RBFOX2: variants seen among roughly 807,000 people sequenced by gnomAD.
RBFOX2 encodes RNA binding fox-1 homolog 2, also known as RNA binding protein fox-1 homolog 2.
RBFOX2 carries 10 observed loss-of-function variants against 49.1 expected under a neutral mutation model. The observed-to-expected ratio is 0.20, with a 90% CI of 0.13 to 0.35. The LOEUF (loss-of-function observed/expected upper bound fraction) is 0.35. Ranked by LOEUF, RBFOX2 falls within the 10% of genes least tolerant of loss-of-function variation. The pLI, the probability that RBFOX2 is intolerant of heterozygous loss-of-function variation, is 1.00. For missense variants in RBFOX2, 323 were observed against 486.9 expected (o/e 0.66, Z 3.17); for synonymous variants, 183 against 187.4 (o/e 0.98, Z 0.19).
chr22:35,800,251 A>G (rs1311039491), intron 2 of RBFOX2, among the ~76,000 whole-genome samples: 1 of 152,082 alleles, frequency 6.6e-6, no homozygotes, highest in Non-Finnish European at 1.5e-5. Flanking sequence ...CCTCTACATA[A>G]CCACTTAAGA....
intron 1 of RBFOX2, among the ~76,000 whole-genome samples, chr22:36,005,512 G>C (rs2058586918): frequency 6.6e-6 from 1 of 152,136 alleles, no homozygotes; most frequent in African/African-American, 2.4e-5. Flanking sequence ...CAAATATTCT[G>C]AGGGCAAAAA....
intron 1 of RBFOX2, among the ~76,000 whole-genome samples, chr22:35,922,585 A>C (rs1297960170): frequency 2.6e-5 from 4 of 151,914 alleles, no homozygotes; most frequent in South Asian, 2.1e-4. Flanking sequence ...AAAAAAAAAA[A>C]CTAGACATGT....
intron 1 of RBFOX2, among the ~76,000 whole-genome samples, chr22:35,885,926 G>A (rs2046515649): frequency 7.0e-6 from 1 of 143,214 alleles, no homozygotes; most frequent in Admixed American, 7.1e-5. Flanking sequence ...GCACGATCTG[G>A]GCTCACTGCA....
upstream of RBFOX2, among the ~76,000 whole-genome samples, chr22:35,963,326 T>C (rs2056364510): frequency 6.6e-6 from 1 of 152,160 alleles, no homozygotes; most frequent in Middle Eastern, 3.2e-3. Context: ...CTCTGAGATA[T>C]TTGTTTTCTT....
chr22:35,838,320 G>T (rs1958064421), intron 1 of RBFOX2, among the ~76,000 whole-genome samples: 1 of 149,624 alleles, frequency 6.7e-6, no homozygotes, highest in African/African-American at 2.5e-5. Context: ...TTATTATATG[G>T]TTGTTACACT....
At chr22:35,938,246 T>C (rs897477600) in intron 1 of RBFOX2, among the ~76,000 whole-genome samples, 1 of 152,146 alleles carries the variant, frequency 6.6e-6, no homozygotes, top group Non-Finnish European at 1.5e-5. Context: ...AACAAAAAGA[T>C]AGGGAAGGCA....
At chr22:35,776,834 T>C (rs1041060507) in intron 4 of RBFOX2, among the ~76,000 whole-genome samples, 2 of 151,836 alleles carry the variant, frequency 1.3e-5, no homozygotes, top group Admixed American at 1.3e-4. Flanking sequence ...TAATAAGCAG[T>C]GAGAAAACTC....
intron 1 of RBFOX2, among the ~76,000 whole-genome samples, chr22:35,935,453 A>T (rs1435255560): frequency 6.6e-6 from 1 of 152,218 alleles, no homozygotes; most frequent in Non-Finnish European, 1.5e-5. Context: ...AACATGCAAG[A>T]GGTGGCGGGT....
chr22:36,009,545 C>T lies in RBFOX2; in HGVS notation c.186+18695G>A, dbSNP rs531328120. Among the ~76,000 whole-genome samples the T allele has an allele frequency of 4.8e-4, 73 of 152,070 alleles. 1 individual carries two copies. Among genetic ancestry groups the T allele is most frequent in the South Asian group, 3.7e-3 (18 of 4,806 alleles). ...CACACCACCATGCCCATCTAAGTTTCGTTTTTTTTGTTTTTTGTTTTTTTG... is the reference window on the plus strand; with the variant it reads ...CACACCACCATGCCCATCTAAGTTTTGTTTTTTTTGTTTTTTGTTTTTTTG... On this transcript the variant is annotated intron_variant, in intron 1 of 13. Coordinates refer to the RBFOX2 transcript ENST00000438146.
At chr22:35,877,368 G>A (rs1432617504) in intron 1 of RBFOX2, among the ~76,000 whole-genome samples, 4 of 152,140 alleles carry the variant, frequency 2.6e-5, no homozygotes, top group Non-Finnish European at 5.9e-5. Context: ...CAGTAGAAGA[G>A]AGAACTGGAG....
chr22:35,856,075 A>G (rs892598733), intron 1 of RBFOX2, among the ~76,000 whole-genome samples: 6 of 152,144 alleles, frequency 3.9e-5, no homozygotes, highest in Non-Finnish European at 5.9e-5. Context: ...AAATTTAATG[A>G]TATCAGGGAG....
chr22:35,831,947 C>A (rs1264569010), intron 1 of RBFOX2, among the ~76,000 whole-genome samples: 4 of 152,144 alleles, frequency 2.6e-5, no homozygotes, highest in Admixed American at 2.0e-4. Flanking sequence ...TGCCAATCAG[C>A]TGAGGGCATG....
chr22:35,756,095 G>A lies in RBFOX2; in HGVS notation c.887+3793C>T, dbSNP rs1166376335. 10 of 1,441,030 alleles carry A rather than the reference G, an allele frequency of 6.9e-6. No individual in the cohort carries two copies. Among genetic ancestry groups the A allele is most frequent in the South Asian group, 1.6e-5 (1 of 64,338 alleles). 89.3% of individuals were successfully genotyped at this position (1,441,030 alleles called of 1,614,324 possible). On this transcript the variant is annotated intron_variant, in intron 9 of 11. Transcript: ENST00000405409. ...GATGGGGTCGAGAAGGCCCCAGTGT[G>A]TGTACTTACATAGAGGTCAGCACCG... is the stretch of plus-strand genomic sequence containing the variant.
At chr22:35,800,057 G>A (rs1161046603) in intron 2 of RBFOX2, among the ~76,000 whole-genome samples, 4 of 151,752 alleles carry the variant, frequency 2.6e-5, no homozygotes, top group African/African-American at 9.7e-5. Flanking sequence ...ACCCTGTACA[G>A]TCAGGTCAAG....
upstream of RBFOX2, among the ~76,000 whole-genome samples, chr22:35,939,614 C>A (rs1374887194): frequency 6.6e-6 from 1 of 151,854 alleles, no homozygotes; most frequent in African/African-American, 2.4e-5. Flanking sequence ...TCTAATTAAC[C>A]TTATTTTTTA....
chr22:35,928,226 A>G (rs916225965), intron 1 of RBFOX2, among the ~76,000 whole-genome samples: 3 of 152,074 alleles, frequency 2.0e-5, no homozygotes, highest in African/African-American at 7.2e-5. Context: ...GGGTGTGTGC[A>G]TATGTGTGTG....
chr22:35,836,628 G>A (rs940588503), intron 1 of RBFOX2, among the ~76,000 whole-genome samples: 1 of 152,172 alleles, frequency 6.6e-6, no homozygotes, highest in African/African-American at 2.4e-5. Flanking sequence ...TGAAGAAAAT[G>A]CCAGCAAAGC....
chr22:35,978,626 G>A (rs1205124010), intron 1 of RBFOX2, among the ~76,000 whole-genome samples: 1 of 152,172 alleles, frequency 6.6e-6, no homozygotes. Context: ...ATGGGGACAG[G>A]TCAAAAGGAC....
chr22:35,930,429 T>C (rs905665253), intron 1 of RBFOX2, among the ~76,000 whole-genome samples: 2 of 152,108 alleles, frequency 1.3e-5, no homozygotes, highest in African/African-American at 4.8e-5. Flanking sequence ...TAATATTTTG[T>C]TTGGATATAA....
Sources: allele counts gnomAD v4.1 joint callset (sites outside exome capture counted in the v4.1 genomes callset), GRCh38; gene constraint gnomAD v4.1.1; transcripts MANE v1.5; gene names NCBI Gene and HGNC (gene_info 2026-07-23, HGNC 2026-07-21).